Variants in TAOK2 observed in about 807,000 individuals in gnomAD.
The protein encoded by TAOK2 is TAO kinase 2, also known as serine/threonine-protein kinase TAO2.
Under a neutral mutation model 122.5 loss-of-function variants are expected in TAOK2, and 42 were observed. The observed-to-expected ratio is 0.34, with a 90% CI of 0.27 to 0.44. The LOEUF (loss-of-function observed/expected upper bound fraction) is 0.44, where lower values mean the gene tolerates loss of function less well. Among genes scored for constraint, TAOK2 ranks in the 20% least tolerant of loss-of-function variants. TAOK2 has a pLI of 1.00. For synonymous variants in TAOK2, 704 were observed against 677.6 expected, an observed-to-expected ratio of 1.04 and a Z score of -0.61; for missense variants, 1,264 against 1,644.9, an observed-to-expected ratio of 0.77 and a Z score of 4.01.
At chr16:29,981,782 C>T (rs376619658) in intron 9 of TAOK2, 28 bp downstream of exon 9, 37 of 1,613,444 alleles carry the variant, frequency 2.3e-5, no homozygotes, top group Non-Finnish European at 3.1e-5. Context: ...GAATCTGGGC[C>T]CAGGCGTTAG....
In TAOK2 at chr16:29,986,954, A is replaced by G. The variant is rs775637394; in HGVS notation, c.2682A>G (p.Ala894=). 1 of 1,613,866 alleles carries G rather than the reference A, an allele frequency of 6.2e-7. No homozygotes were observed. The highest frequency in any genetic ancestry group is 8.5e-7 in the Non-Finnish European group (1 of 1,179,912). Residue 894 remains alanine (A), a synonymous_variant, in exon 16 of 16, where the codon GCA becomes GCG. Transcript: ENST00000308893. The surrounding 1 kb of genome is among the most constrained non-coding windows in gnomAD (Gnocchi z 4.2). ...EFELGWVQGP[A]LTPVPEEEEE... is the part of the protein sequence containing the mutation. Reference sequence around the variant, plus strand: ...AGCTTGGCTGGGTCCAGGGCCCAGCACTGACTCCCGTCCCTGAGGAGGAGG... The same window carrying G: ...AGCTTGGCTGGGTCCAGGGCCCAGCGCTGACTCCCGTCCCTGAGGAGGAGG...
chr16:29,981,282 C>T, intron 8 of TAOK2: 1 of 520,198 alleles, frequency 1.9e-6, no homozygotes, highest in Admixed American at 3.5e-5. Flanking sequence ...ATCTTTTAGA[C>T]TGGAGGTTCC....
Position 29,977,916 on chromosome 16 carries a change from C to G in TAOK2, c.132+12C>G, listed in dbSNP as rs368681925. On this transcript the variant is annotated intron_variant, in intron 2 of 15. Transcript: ENST00000308893. ...GAGCCGTATACTTTGTGAGTTGGGT[C>G]TTGGGAGGGTGTAATAGGGATGGGG... 9.3e-6 allele frequency: 15 copies of G among 1,613,966 alleles called. No homozygotes were observed. The highest frequency in any genetic ancestry group is 1.3e-5 in the Non-Finnish European group (15 of 1,180,000).
At chr16:29,990,827 G>A (rs768181656), downstream of TAOK2, 8 of 1,613,030 alleles carry the variant, frequency 5.0e-6, no homozygotes, top group Admixed American at 3.3e-5. Flanking sequence ...CAGGCCCTTC[G>A]GCAGCAGCTT....
intron 1 of TAOK2, 28 bp from the exon 2 acceptor site, chr16:29,977,710 C>G: frequency 1.3e-6 from 2 of 1,591,584 alleles, no homozygotes; most frequent in Admixed American, 1.8e-5. Flanking sequence ...AATCCTTGAT[C>G]TCTAAGGGTC....
Position 29,988,168 on chromosome 16 carries a change from C to G in TAOK2, c.*188C>G. On this transcript the variant is annotated 3_prime_UTR_variant, in exon 16 of 16. Transcript: ENST00000308893. ...TCAGCTGTGGAGTCCAGCAGTCACT[C>G]TGTGTTCTCCTGGCGCTCCTCCCCT... 7.0e-7 allele frequency: 1 copy of G among 1,432,592 alleles called. No homozygotes were observed. The highest frequency in any genetic ancestry group is 9.1e-7 in the Non-Finnish European group (1 of 1,098,690). The allele number at this position is 1,432,592 out of a possible 1,614,324, so 88.7% of individuals were successfully genotyped here.
chr16:29,991,223 A>G (rs1235059794), downstream of TAOK2: 19 of 1,609,748 alleles, frequency 1.2e-5, no homozygotes, highest in East Asian at 3.8e-4. The surrounding 1 kb of genome is among the most constrained non-coding windows in gnomAD (Gnocchi z 5.6). Flanking sequence ...ATCCTGCTCC[A>G]CCCCCTGCCC....
Position 29,981,677 on chromosome 16 carries a change from G to C in TAOK2, c.672G>C (p.Pro224=). 6.2e-7 allele frequency: 1 copy of C among 1,614,028 alleles called. No homozygotes were observed. The highest frequency in any genetic ancestry group is 8.5e-7 in the Non-Finnish European group (1 of 1,179,994). The change falls in exon 9 of 16, where the codon CCG becomes CCC. Residue 224 remains proline (P), a synonymous_variant. Transcript: ENST00000308893. ...TCIELAERKP[P]LFNMNAMSAL... The stretch of plus-strand genomic sequence containing the variant: ...TTTCTGTAGCTGAACGGAAACCACC[G>C]CTCTTTAACATGAATGCGATGAGTG...
rs756043835 is a variant in TAOK2, at chr16:29,981,648, C to T, written c.656-13C>T. On this transcript the variant is annotated splice_polypyrimidine_tract_variant and intron_variant, in intron 8 of 15. Coordinates refer to ENST00000308893, the MANE Select transcript of TAOK2 (RefSeq NM_016151.4). ...CCACCTCTCACCTTCTTCCCTTTCA[C>T]CTTTTTCTGTAGCTGAACGGAAACC... 5 of 1,613,664 alleles carry T rather than the reference C, an allele frequency of 3.1e-6. No homozygotes were observed. Among genetic ancestry groups the T allele is most frequent in the Non-Finnish European group, 3.4e-6 (4 of 1,179,568 alleles).
Position 29,987,673 on chromosome 16 carries a change from G to A in TAOK2, c.3401G>A (p.Arg1134Gln), listed in dbSNP as rs545581481. The A allele has an allele frequency of 1.4e-5, 23 of 1,613,896 alleles. No homozygotes were observed. In the East Asian group the frequency reaches 3.3e-4, roughly 23 times the overall value. ...CGCCTGCCCGTCCCTGGGCCCCGGCGGCGTAATCCCCGCACCACCCAACAC... is the reference window on the plus strand; with the variant it reads ...CGCCTGCCCGTCCCTGGGCCCCGGCAGCGTAATCCCCGCACCACCCAACAC... ...RSRLPVPGPR[R>Q]RNPRTTQHPL... Residue 1134 changes from arginine (R) to glutamine (Q), a missense_variant, in exon 16 of 16, where the codon CGG becomes CAG. By Grantham distance (43) the Arg-to-Gln change is conservative. Transcript: ENST00000308893.
In TAOK2 at chr16:29,987,276, T is replaced by A; in HGVS notation, c.3004T>A (p.Ser1002Thr). 1 of 1,526,128 alleles carries A rather than the reference T, an allele frequency of 6.6e-7. No homozygotes were observed. Among genetic ancestry groups the A allele is most frequent in the South Asian group, 1.3e-5 (1 of 75,636 alleles). The allele number at this position is 1,526,128 out of a possible 1,614,324, so 94.5% of individuals were successfully genotyped here. The change falls in exon 16 of 16, where the codon TCC (serine) becomes ACC (threonine). Residue 1002 changes from serine (S) to threonine (T), a missense_variant. Coordinates refer to ENST00000308893, the MANE Select transcript of TAOK2 (RefSeq NM_016151.4). ...GGTGGGGCTGGTGGGTCTGGGGGCCTCCTACCTGCTCCTTTGTACAGCCCT... is the reference window on the plus strand; with the variant it reads ...GGTGGGGCTGGTGGGTCTGGGGGCCACCTACCTGCTCCTTTGTACAGCCCT... ...LEVGLVGLGA[S>T]YLLLCTALHL... is the part of the protein sequence containing the mutation.
Position 29,986,511 on chromosome 16 carries a change from G to T in TAOK2, c.2239G>T (p.Ala747Ser). 3 of 1,610,922 alleles carry T rather than the reference G, an allele frequency of 1.9e-6. No individual in the cohort carries two copies. Among genetic ancestry groups the T allele is most frequent in the Non-Finnish European group, 2.5e-6 (3 of 1,178,568 alleles). ...RQQPKSLKVR[A>S]GQRPPGLPLP... ...GCAGCCCAAGAGCCTCAAAGTACGT[G>T]CAGGCCAGCGCCCCCCGGGCCTTCC... The change falls in exon 16 of 16, where the codon GCA (alanine) becomes TCA (serine). Residue 747 changes from alanine to serine, a missense_variant. Ala to Ser is a moderately conservative substitution (Grantham distance 99). Around this residue, in one of 4 missense-constraint regions of TAOK2, gnomAD observed 824 missense variants for 908.7 expected, o/e 0.91. Coordinates refer to ENST00000308893, the MANE Select transcript of TAOK2 (RefSeq NM_016151.4). This position sits in a 1 kb window ranked among gnomAD's most constrained non-coding sequence, Gnocchi z 4.2.
downstream of TAOK2, chr16:29,991,119 C>A: frequency 6.2e-7 from 1 of 1,605,012 alleles, no homozygotes; most frequent in South Asian, 1.1e-5. This position sits in a 1 kb window ranked among gnomAD's most constrained non-coding sequence, Gnocchi z 5.6. Context: ...GCGGCAGGCC[C>A]GTGAGATCGA....
In TAOK2 at chr16:29,987,341, T is replaced by A. The variant is rs1319668002; in HGVS notation, c.3069T>A (p.Gly1023=). The change falls in exon 16 of 16, where the codon GGT becomes GGA. Residue 1023 remains glycine (G), a synonymous_variant. Transcript: ENST00000308893. ...GTCTTTTCCTACTCCTGGCCCAGGG[T>A]ACCGCACTGGGGGCCGTCCTGGGCC... is the stretch of plus-strand genomic sequence containing the variant. ...PSSLFLLLAQ[G]TALGAVLGLS... 4.5e-6 allele frequency: 7 copies of A among 1,552,762 alleles called. No homozygotes were observed. The highest frequency in any genetic ancestry group is 1.2e-5 in the South Asian group (1 of 81,326).
At chr16:29,991,721 G>A (rs1183520751), downstream of TAOK2, 5 of 1,047,866 alleles carry the variant, frequency 4.8e-6, no homozygotes, top group African/African-American at 1.7e-5. This position sits in a 1 kb window ranked among gnomAD's most constrained non-coding sequence, Gnocchi z 5.6. Flanking sequence ...GCTTCTTGGG[G>A]CTGGCCAGTG....
At chr16:29,978,434 C>T (rs1454304536) in intron 4 of TAOK2, 81 bp downstream of exon 4, 16 of 1,447,244 alleles carry the variant, frequency 1.1e-5, no homozygotes, top group Non-Finnish European at 1.5e-5. Flanking sequence ...TTAGGTGGTC[C>T]CTGTTCGTGG....
chr16:29,978,094 G>A lies in TAOK2; in HGVS notation c.138G>A (p.Arg46=). Residue 46 remains arginine (R), a synonymous_variant, in exon 3 of 16, where the codon CGG becomes CGA. Coordinates refer to ENST00000308893, the MANE Select transcript of TAOK2 (RefSeq NM_016151.4). ...HGSFGAVYFA[R]DVRNSEVVAI... ...CTTCTGGTCTGGTCCTCTAGGCCCGGGATGTCCGGAATAGTGAGGTGGTGG... is the reference window on the plus strand; with the variant it reads ...CTTCTGGTCTGGTCCTCTAGGCCCGAGATGTCCGGAATAGTGAGGTGGTGG... 1 of 1,614,118 alleles carries A rather than the reference G, an allele frequency of 6.2e-7. No individual in the cohort carries two copies. The highest frequency in any genetic ancestry group is 1.1e-5 in the South Asian group (1 of 91,074).
Position 29,983,677 on chromosome 16 carries a change from A to ACTG in TAOK2, c.1422+13_1422+14insCTG. ...AACCGCCTCCCTGGTGAGTGTAGCC[A>ACTG]TCCTCACTCAGCCTGCTCGCTGTCT... On this transcript the variant is annotated intron_variant, in intron 13 of 15. Transcript: ENST00000308893. The ACTG allele has an allele frequency of 6.2e-7, 1 of 1,601,164 alleles. No homozygotes were observed. Among genetic ancestry groups the ACTG allele is most frequent in the Admixed American group, 1.7e-5 (1 of 59,292 alleles).
intron 5 of TAOK2, 27 bp downstream of exon 5, chr16:29,978,871 G>A: frequency 6.2e-7 from 1 of 1,614,052 alleles, no homozygotes; most frequent in Admixed American, 1.7e-5. Context: ...CCAATAAGTG[G>A]AGAAGGGAGA....
Sources: gnomAD v4.1 joint callset for allele counts on GRCh38, gnomAD v4.1.1 for gene constraint, gnomAD v4.1.1 regional missense constraint, Gnocchi (gnomAD v3.1) non-coding constraint, MANE v1.5 for transcripts, NCBI Gene and HGNC (gene_info 2026-07-23, HGNC 2026-07-21) for gene names.